Variants in DPP8 observed in about 807,000 individuals in gnomAD.
DPP8 encodes dipeptidyl peptidase 8.
In DPP8, 31 loss-of-function variants were observed where a neutral mutation model predicts 107.5. The observed-to-expected ratio is 0.29, with a 90% confidence interval of 0.22 to 0.39. The LOEUF (loss-of-function observed/expected upper bound fraction) is 0.39. Among genes scored for constraint, DPP8 ranks in the 10% least tolerant of loss-of-function variants. The pLI, the probability that DPP8 is intolerant of heterozygous loss-of-function variation, is 1.00. For missense variants in DPP8, 842 were observed against 1,076.1 expected, an observed-to-expected ratio of 0.78 and a Z score of 3.04; for synonymous variants, 381 against 356.6, an observed-to-expected ratio of 1.07 and a Z score of -0.77.
chr15:65,454,136 CAAAAAAA>C (rs370866269), intron 17 of DPP8, 120 bp downstream of exon 17: 7 of 352,404 alleles, frequency 2.0e-5, no homozygotes, highest in South Asian at 7.8e-5. Flanking sequence ...GACTTCGTCT[CAAAAAAA>C]AAAAAAAAAA....
intron 12 of DPP8, among the ~76,000 whole-genome samples, chr15:65,469,852 C>G (rs773225039): frequency 2.0e-5 from 3 of 150,600 alleles, no homozygotes; most frequent in Non-Finnish European, 4.4e-5. Context: ...GAAAAAGAAG[C>G]TCATAGGCTT....
chr15:65,448,920 A>ATG (rs1812330007), intron 19 of DPP8, among the ~76,000 whole-genome samples: 12 of 90,906 alleles, frequency 1.3e-4, no homozygotes, highest in Middle Eastern at 7.2e-3. Context: ...ATATATATAT[A>ATG]TATTTAGCCT....
intron 2 of DPP8, among the ~76,000 whole-genome samples, chr15:65,510,307 G>A (rs1039141585): frequency 2.6e-5 from 4 of 151,808 alleles, no homozygotes; most frequent in South Asian, 2.1e-4. Context: ...CTGAGACCCC[G>A]TCTCAAAAAA....
intron 2 of DPP8, among the ~76,000 whole-genome samples, chr15:65,509,863 A>G (rs1820003034): frequency 6.6e-6 from 1 of 152,068 alleles, no homozygotes; most frequent in African/African-American, 2.4e-5. Flanking sequence ...TCTACCAAAA[A>G]TACAAAAATT....
intron 19 of DPP8, among the ~76,000 whole-genome samples, chr15:65,448,723 T>C (rs1207583232): frequency 8.2e-6 from 1 of 121,390 alleles, no homozygotes; most frequent in South Asian, 2.5e-4. Context: ...CATATATATA[T>C]AAAATATACA....
intron 14 of DPP8, among the ~76,000 whole-genome samples, chr15:65,466,458 G>A (rs992299751): frequency 6.6e-6 from 1 of 151,994 alleles, no homozygotes; most frequent in Non-Finnish European, 1.5e-5. Flanking sequence ...TTTCAAAAAG[G>A]CCTTCCAGAC....
intron 15 of DPP8, among the ~76,000 whole-genome samples, chr15:65,460,479 C>T (rs2064821279): frequency 1.3e-5 from 2 of 151,874 alleles, no homozygotes; most frequent in Admixed American, 1.3e-4. Context: ...CTCAAACACT[C>T]CCCATCCTCC....
At chr15:65,471,515 T>G (rs76265766) in intron 12 of DPP8, among the ~76,000 whole-genome samples, 91 of 115,332 alleles carry the variant, frequency 7.9e-4, no homozygotes, top group Middle Eastern at 4.3e-3. Context: ...ACCAGCCTAT[T>G]TTTTTTTTTT....
intron 10 of DPP8, 122 bp from the exon 11 acceptor site, chr15:65,479,161 G>A (rs1252958110): frequency 9.8e-6 from 6 of 614,516 alleles, no homozygotes; most frequent in Non-Finnish European, 1.5e-5. Context: ...CAATGCCAAA[G>A]GAATGCTATA....
At chr15:65,509,172 A>C (rs2070442721) in intron 2 of DPP8, among the ~76,000 whole-genome samples, 1 of 152,190 alleles carries the variant, frequency 6.6e-6, no homozygotes, top group South Asian at 2.1e-4. Context: ...TTTGTGTAAA[A>C]TCTACTTTGT....
At chr15:65,456,971 T>C (rs1453922361) in intron 15 of DPP8, among the ~76,000 whole-genome samples, 2 of 152,246 alleles carry the variant, frequency 1.3e-5, no homozygotes, top group South Asian at 4.1e-4. Context: ...ATCTTTTGCA[T>C]GGCTCATTCC....
chr15:65,458,247 A>G (rs1260172303), intron 15 of DPP8, among the ~76,000 whole-genome samples: 1 of 151,530 alleles, frequency 6.6e-6, no homozygotes, highest in Non-Finnish European at 1.5e-5. Context: ...AGGAAACATA[A>G]GTATTTGTTA....
chr15:65,504,780 G>A (rs897630968), intron 3 of DPP8, among the ~76,000 whole-genome samples: 1 of 151,214 alleles, frequency 6.6e-6, no homozygotes, highest in Admixed American at 6.6e-5. Context: ...TCAGGAGTTT[G>A]AGACCACCCT....
chr15:65,498,151 G>T, intron 4 of DPP8, 119 bp from the exon 5 acceptor site: 1 of 731,202 alleles, frequency 1.4e-6, no homozygotes, highest in Non-Finnish European at 2.0e-6. Context: ...GCCGGGCGTG[G>T]TGACTTACGC....
At chr15:65,477,529 AT>A (rs1174774140) in intron 11 of DPP8, among the ~76,000 whole-genome samples, 8,315 of 139,738 alleles carry the variant, frequency 0.06, 583 homozygotes, top group African/African-American at 0.2. Flanking sequence ...CTTTTCCACA[AT>A]TTTTTTTTTT....
intron 12 of DPP8, among the ~76,000 whole-genome samples, chr15:65,468,359 G>A (rs1361264965): frequency 3.9e-5 from 6 of 152,022 alleles, no homozygotes; most frequent in Non-Finnish European, 2.9e-5. Flanking sequence ...GCTGGGCATG[G>A]TGATGCATCC....
rs955091890 is a variant in DPP8 at position 65,449,232 on chromosome 15, A to AAT, written c.2526+1765_2526+1766dup. On this transcript the variant is annotated intron_variant, in intron 19 of 19. Coordinates refer to ENST00000300141, the MANE Select transcript of DPP8 (RefSeq NM_130434.5). The stretch of plus-strand genomic sequence containing the variant: ...CTCAAAAAGAAAAAAAATAAAAATA[A>AAT]ATATATATATATATATAATTTAAAA... Among the ~76,000 whole-genome samples, 536 of 144,436 alleles carry AAT rather than the reference A, an allele frequency of 3.7e-3. 6 individuals are homozygous for AAT. The South Asian group carries it at 0.039, about 10-fold the overall frequency. 94.8% of individuals were successfully genotyped at this position (144,436 alleles called of 152,430 possible).
At chr15:65,516,017 C>T (rs1224017422) in intron 1 of DPP8, 1 of 406,742 alleles carries the variant, frequency 2.5e-6, no homozygotes, top group Non-Finnish European at 4.3e-6. Flanking sequence ...AAAGAATATC[C>T]TAACATAGCA....
chr15:65,464,349 C>T (rs548400084), intron 14 of DPP8, among the ~76,000 whole-genome samples: 2 of 150,570 alleles, frequency 1.3e-5, no homozygotes, highest in African/African-American at 4.9e-5. Context: ...GGTGACAGAG[C>T]GAGACTCCAT....
Sources: gnomAD v4.1 joint callset for allele counts (sites outside exome capture counted in the v4.1 genomes callset) on GRCh38, gnomAD v4.1.1 for gene constraint, MANE v1.5 for transcripts, NCBI Gene and HGNC (gene_info 2026-07-23, HGNC 2026-07-21) for gene names.